The following RUNX2 variants were observed in gnomAD, a reference collection of about 807,000 sequenced individuals.
RUNX2 encodes the protein runt-related transcription factor 2.
RUNX2 carries 10 observed loss-of-function variants against 51.7 expected under a neutral mutation model. The observed-to-expected ratio is 0.19, with a 90% CI of 0.12 to 0.33. The LOEUF (loss-of-function observed/expected upper bound fraction) is 0.33. Ranked by LOEUF, RUNX2 falls within the 10% of genes least tolerant of loss-of-function variation. The probability of loss-of-function intolerance (pLI) is 1.00; values close to 1 mark genes in which losing one functional copy is unlikely to be tolerated. For missense variants in RUNX2, 562 were observed against 691.3 expected, an observed-to-expected ratio of 0.81 and a Z score of 2.10; for synonymous variants, 276 against 273.6, an observed-to-expected ratio of 1.01 and a Z score of -0.09.
At chr6:45,384,151 A>G (rs1797298810) in intron 2 of RUNX2, among the ~76,000 whole-genome samples, 1 of 152,234 alleles carries the variant, frequency 6.6e-6, no homozygotes, top group South Asian at 2.1e-4. Flanking sequence ...AAATAAGGAT[A>G]GGAATACTTA....
At chr6:45,485,910 TATA>T (rs1242138234) in intron 5 of RUNX2, among the ~76,000 whole-genome samples, 1 of 151,864 alleles carries the variant, frequency 6.6e-6, no homozygotes. Flanking sequence ...CTGCACTTCC[TATA>T]ATACTTCAAT....
chr6:45,482,512 T>A (rs1272678227), intron 5 of RUNX2, among the ~76,000 whole-genome samples: 1 of 152,204 alleles, frequency 6.6e-6, no homozygotes, highest in African/African-American at 2.4e-5. Flanking sequence ...TATTCAAAGA[T>A]CTCGAATTCT....
At chr6:45,451,009 G>A (rs1799156078) in intron 5 of RUNX2, among the ~76,000 whole-genome samples, 2 of 152,178 alleles carry the variant, frequency 1.3e-5, no homozygotes. Flanking sequence ...TCTTCTTCGA[G>A]TTAAGGCTTC....
At chr6:45,501,542 A>G (rs974452714) in intron 6 of RUNX2, among the ~76,000 whole-genome samples, 3 of 152,234 alleles carry the variant, frequency 2.0e-5, no homozygotes, top group Admixed American at 6.5e-5. Flanking sequence ...CAGAAATAAG[A>G]CTATTGTGCC....
chr6:45,362,986 T>TA (rs1794526043), intron 2 of RUNX2, among the ~76,000 whole-genome samples: 1 of 152,070 alleles, frequency 6.6e-6, no homozygotes, highest in Non-Finnish European at 1.5e-5. Context: ...TAATATTTTA[T>TA]TTTTAATTTT....
intron 2 of RUNX2, among the ~76,000 whole-genome samples, chr6:45,345,668 T>C (rs920834167): frequency 6.6e-6 from 1 of 152,176 alleles, no homozygotes; most frequent in African/African-American, 2.4e-5. Context: ...CCCTCTTACA[T>C]GGACTACTAC....
chr6:45,489,026 A>C (rs1309814084), intron 5 of RUNX2, among the ~76,000 whole-genome samples: 1 of 152,196 alleles, frequency 6.6e-6, no homozygotes, highest in African/African-American at 2.4e-5. Flanking sequence ...GGTATTTGTC[A>C]TAGTTGAAAT....
chr6:45,423,345 C>A lies in RUNX2; in HGVS notation c.423+388C>A, dbSNP rs1207708111. Among the ~76,000 whole-genome samples the A allele has an allele frequency of 2.6e-5, 4 of 152,304 alleles. No individual in the cohort carries two copies. In the East Asian group the frequency reaches 7.8e-4, roughly 30 times the overall value. ...GACTTGCTCCACCCCGCCCCTTTCC[C>A]GGGGGCGAGGATCCCCGGCATTGTC... On this transcript the variant is annotated intron_variant, in intron 3 of 8. Coordinates refer to ENST00000647337, the MANE Select transcript of RUNX2 (RefSeq NM_001024630.4).
intron 2 of RUNX2, among the ~76,000 whole-genome samples, chr6:45,412,248 C>T (rs970506110): frequency 1.5e-4 from 22 of 150,664 alleles, no homozygotes; most frequent in African/African-American, 4.2e-4. Flanking sequence ...TCCAGCTACT[C>T]GGGAGGCTGA....
chr6:45,506,464 G>A (rs1424759610), intron 6 of RUNX2, among the ~76,000 whole-genome samples: 1 of 152,146 alleles, frequency 6.6e-6, no homozygotes, highest in African/African-American at 2.4e-5. Flanking sequence ...AAGCACTCAA[G>A]AGTGAGTGCA....
intron 2 of RUNX2, among the ~76,000 whole-genome samples, chr6:45,345,207 T>C (rs1790599207): frequency 2.0e-5 from 3 of 152,216 alleles, no homozygotes; most frequent in Admixed American, 6.5e-5. Flanking sequence ...CTATTACAAT[T>C]TAGTATTATA....
rs142771884 is a variant in RUNX2 at position 45,349,843 on chromosome 6, A to G, written c.58+21059A>G. ...ACTGCATAATCAGTTCATGTTGTCA[A>G]TGTTCTCTTTTATTCAAAATTAATT... is the stretch of plus-strand genomic sequence containing the variant. On this transcript the variant is annotated intron_variant, in intron 2 of 8. Transcript: ENST00000647337. Among the ~76,000 whole-genome samples the G allele has an allele frequency of 1.5e-4, 23 of 152,372 alleles. No individual in the cohort carries two copies. In the East Asian group the frequency reaches 2.9e-3, roughly 19 times the overall value.
At chr6:45,366,323 CTT>C (rs1375888032) in intron 2 of RUNX2, among the ~76,000 whole-genome samples, 2 of 152,166 alleles carry the variant, frequency 1.3e-5, no homozygotes, top group Non-Finnish European at 2.9e-5. Context: ...TTTGCTAAGA[CTT>C]TGGGCAAGTT....
At chr6:45,538,718 A>C (rs1040868742) in intron 7 of RUNX2, among the ~76,000 whole-genome samples, 1 of 151,082 alleles carries the variant, frequency 6.6e-6, no homozygotes, top group Non-Finnish European at 1.5e-5. Flanking sequence ...ATCTGAAGCC[A>C]CTTGGCTCAT....
At position 45,547,294 on chromosome 6, in the gene RUNX2, C is replaced by T; in HGVS notation, c.1555C>T (p.Arg519Ter). 1 of 1,613,828 alleles carries T rather than the reference C, an allele frequency of 6.2e-7. No individual in the cohort carries two copies. The highest frequency in any genetic ancestry group is 1.1e-5 in the South Asian group (1 of 91,076). ...SSGRMDESVW[R>*]PY ...TGGCAGAATGGATGAATCTGTTTGG[C>T]GACCATATTGAAATTCCTCAGCAGT... is the stretch of plus-strand genomic sequence containing the variant. The change falls in exon 9 of 9, where the codon CGA becomes TGA. Residue 519 changes from arginine to a stop codon, truncating the protein, a stop_gained. Transcript: ENST00000647337. LOFTEE classifies it high-confidence loss of function.
intron 3 of RUNX2, among the ~76,000 whole-genome samples, chr6:45,424,359 C>G (rs1798326164): frequency 1.3e-5 from 2 of 152,168 alleles, no homozygotes; most frequent in South Asian, 4.1e-4. Flanking sequence ...GCTGTCCACA[C>G]TCGCAGGACT....
chr6:45,373,981 T>A (rs1472126524), intron 2 of RUNX2, among the ~76,000 whole-genome samples: 2 of 152,176 alleles, frequency 1.3e-5, no homozygotes, highest in African/African-American at 2.4e-5. Context: ...AGGCTGAAGG[T>A]AGACAAGATG....
chr6:45,472,285 A>G (rs1406009701), intron 5 of RUNX2, among the ~76,000 whole-genome samples: 2 of 152,244 alleles, frequency 1.3e-5, no homozygotes, highest in African/African-American at 2.4e-5. Flanking sequence ...ATAAGTAAGC[A>G]GACATCAGAA....
At position 45,548,911 on chromosome 6, in the gene RUNX2, G is replaced by C. The variant is rs779337167; in HGVS notation, c.*1606G>C. On this transcript the variant is annotated 3_prime_UTR_variant, in exon 9 of 9. Transcript: ENST00000647337. The stretch of plus-strand genomic sequence containing the variant: ...AGCAGAATGACATCACTGTCCTTTG[G>C]GAGTAGGTCCTCTGAAAAGGCAGCA... The C allele has an allele frequency of 2.1e-5, 8 of 381,250 alleles. No individual in the cohort carries two copies. The highest frequency in any genetic ancestry group is 3.3e-5 in the Non-Finnish European group (7 of 215,376). The allele number at this position is 381,250 out of a possible 1,614,324, so 23.6% of individuals were successfully genotyped here.
Sources: allele counts gnomAD v4.1 joint callset (sites outside exome capture counted in the v4.1 genomes callset), GRCh38; gene constraint gnomAD v4.1.1; transcripts MANE v1.5; gene names NCBI Gene and HGNC (gene_info 2026-07-23, HGNC 2026-07-21).